The following LGR6 variants were observed in gnomAD, a reference collection of about 807,000 sequenced individuals.
The protein encoded by LGR6 is leucine-rich repeat-containing G protein-coupled receptor 6.
LGR6 carries 45 observed loss-of-function variants against 69.4 expected under a neutral mutation model. That is an observed-to-expected ratio of 0.65 (90% CI 0.51 to 0.83). The LOEUF (loss-of-function observed/expected upper bound fraction) is 0.83. Ranked by LOEUF, LGR6 falls within the 40% of genes least tolerant of loss-of-function variation. The probability of loss-of-function intolerance (pLI) is 0.00; values close to 1 mark genes in which losing one functional copy is unlikely to be tolerated. For missense variants in LGR6, 1,108 were observed against 1,246.7 expected (o/e 0.89, Z 1.68); for synonymous variants, 538 against 555.0 (o/e 0.97, Z 0.43).
intron 4 of LGR6, among the ~76,000 whole-genome samples, chr1:202,244,887 G>A (rs989877346): frequency 6.6e-6 from 1 of 152,208 alleles, no homozygotes; most frequent in Non-Finnish European, 1.5e-5. Flanking sequence ...CAGTAGTCAC[G>A]AGCCGGCTGT....
At chr1:202,239,344 G>GT (rs370248244) in intron 4 of LGR6, among the ~76,000 whole-genome samples, 1 of 144,248 alleles carries the variant, frequency 6.9e-6, no homozygotes, top group South Asian at 2.3e-4. Context: ...GTGTGTGTGT[G>GT]GTGTGTGTGT....
intron 3 of LGR6, among the ~76,000 whole-genome samples, chr1:202,234,582 T>C (rs551049988): frequency 6.6e-6 from 1 of 152,272 alleles, no homozygotes; most frequent in Admixed American, 6.5e-5. Flanking sequence ...TGGTTAAGTG[T>C]CTAGACTGTG....
chr1:202,253,826 G>T (rs1225232255), intron 4 of LGR6, among the ~76,000 whole-genome samples: 4 of 68,854 alleles, frequency 5.8e-5, no homozygotes, highest in South Asian at 1.2e-3. Flanking sequence ...TTTTTTTTGA[G>T]ACGGAGTCTC....
chr1:202,301,853 C>T lies in LGR6; in HGVS notation c.929+618C>T, dbSNP rs145149032. Among the ~76,000 whole-genome samples, 1,003 of 152,136 alleles carry T rather than the reference C, an allele frequency of 6.6e-3. 18 individuals carry two copies. Among genetic ancestry groups the T allele is most frequent in the African/African-American group, 0.023 (952 of 41,506 alleles). On this transcript the variant is annotated intron_variant, in intron 9 of 17. Transcript: ENST00000367278. Reference sequence around the variant, plus strand: ...CCAACATGGTAAAACCCCATCTCTACTAAAAATACAAAAAAAGTAGCCGGG... The same window carrying T: ...CCAACATGGTAAAACCCCATCTCTATTAAAAATACAAAAAAAGTAGCCGGG...
At chr1:202,215,396 G>A (rs1015079042) in intron 1 of LGR6, among the ~76,000 whole-genome samples, 1 of 152,150 alleles carries the variant, frequency 6.6e-6, no homozygotes, top group Admixed American at 6.5e-5. Context: ...TTTACCCATG[G>A]AGAGGTCTGA....
intron 1 of LGR6, among the ~76,000 whole-genome samples, chr1:202,220,277 G>T (rs1186484000): frequency 6.6e-6 from 1 of 151,920 alleles, no homozygotes; most frequent in Non-Finnish European, 1.5e-5. Flanking sequence ...GAGTGCAGTG[G>T]CATGATCTTG....
intron 6 of LGR6, among the ~76,000 whole-genome samples, chr1:202,283,313 G>A (rs1221479741): frequency 1.3e-5 from 2 of 152,202 alleles, no homozygotes; most frequent in South Asian, 2.1e-4. Context: ...GTTCCCCAGA[G>A]CATTTGCTGG....
intron 4 of LGR6, among the ~76,000 whole-genome samples, chr1:202,251,522 G>T (rs1663242722): frequency 6.6e-6 from 1 of 152,154 alleles, no homozygotes; most frequent in South Asian, 2.1e-4. Flanking sequence ...GAGGGAAGAA[G>T]AGGAAGCCTC....
chr1:202,302,649 C>T (rs904758460), intron 9 of LGR6, among the ~76,000 whole-genome samples: 2 of 152,120 alleles, frequency 1.3e-5, no homozygotes, highest in African/African-American at 4.8e-5. Context: ...TGGGTTCAAG[C>T]GATTCTCCTG....
intron 1 of LGR6, chr1:202,213,998 G>T: frequency 5.2e-6 from 5 of 967,080 alleles, no homozygotes; most frequent in Non-Finnish European, 6.1e-6. Flanking sequence ...TAGCTCTGAT[G>T]AACCAAATAG....
Position 202,318,608 on chromosome 1 carries a change from T to A in LGR6, c.2305T>A (p.Cys769Ser). ...PRGDFEAVWD[C>S]AMVRHVAWLI... ...GGGCGACTTTGAGGCCGTGTGGGAC[T>A]GCGCCATGGTGAGGCACGTGGCCTG... The change falls in exon 18 of 18, where the codon TGC becomes AGC. Residue 769 changes from cysteine to serine, a missense_variant. By Grantham distance (112) the Cys-to-Ser change is moderately radical (BLOSUM62 -1). Transcript: ENST00000367278. 2 of 1,614,028 alleles carry A rather than the reference T, an allele frequency of 1.2e-6. No homozygotes were observed. Among genetic ancestry groups the A allele is most frequent in the Non-Finnish European group, 1.7e-6 (2 of 1,180,026 alleles).
chr1:202,303,140 G>C, intron 9 of LGR6, 139 bp from the exon 10 acceptor site: 1 of 708,714 alleles, frequency 1.4e-6, no homozygotes, highest in Non-Finnish European at 2.6e-6. Flanking sequence ...CTGCGTGGCT[G>C]ACTTGAGGAA....
intron 4 of LGR6, among the ~76,000 whole-genome samples, chr1:202,258,830 A>C: frequency 6.6e-6 from 1 of 152,038 alleles, no homozygotes; most frequent in East Asian, 1.9e-4. Context: ...TTTCAGAACA[A>C]TGACTATTAG....
In LGR6 at chr1:202,193,952, G is replaced by A. The variant is rs1242975416; in HGVS notation, c.-38G>A. 2.2e-5 allele frequency: 28 copies of A among 1,258,918 alleles called. No individual in the cohort carries two copies. Among genetic ancestry groups the A allele is most frequent in the East Asian group, 3.5e-5 (1 of 28,500 alleles). 78.0% of individuals were successfully genotyped at this position (1,258,918 alleles called of 1,614,324 possible). A position where few individuals can be genotyped will look rare whatever the true frequency, so the allele number is the denominator to read the frequency against. ...TGCGGCCATCGCGCCGTGCGTCCGC[G>A]CCCGGCCGCCAGGTGCCCCAGTAGC... On this transcript the variant is annotated 5_prime_UTR_variant, in exon 1 of 18. Coordinates refer to ENST00000367278, the MANE Select transcript of LGR6 (RefSeq NM_001017403.2).
intron 4 of LGR6, among the ~76,000 whole-genome samples, chr1:202,241,800 G>A (rs1287262100): frequency 2.6e-5 from 4 of 152,062 alleles, no homozygotes; most frequent in Non-Finnish European, 5.9e-5. Context: ...GACTAAAGGG[G>A]AGAAAACAGC....
chr1:202,204,443 ACCT>A (rs1658975184), intron 1 of LGR6, among the ~76,000 whole-genome samples: 1 of 41,526 alleles, frequency 2.4e-5, no homozygotes. Flanking sequence ...ACACACACAC[ACCT>A]CCACACACAC....
intron 6 of LGR6, among the ~76,000 whole-genome samples, chr1:202,284,483 C>G (rs1666252599): frequency 1.3e-5 from 2 of 152,176 alleles, no homozygotes; most frequent in African/African-American, 4.8e-5. Flanking sequence ...GAAACCATAC[C>G]TCTTGCTTTG....
chr1:202,276,308 G>T lies in LGR6; in HGVS notation c.431G>T (p.Arg144Leu). The T allele has an allele frequency of 6.2e-7, 1 of 1,612,912 alleles. No individual in the cohort carries two copies. The highest frequency in any genetic ancestry group is 8.5e-7 in the Non-Finnish European group (1 of 1,179,146). ...CTCTCCATCCTCTCTTCCACCAGGC[G>T]CCTAGATGCCAACCTCATCTCCCTG... ...LWELPSLQSL[R>L]LDANLISLVP... Residue 144 changes from arginine (R) to leucine (L), a missense_variant and splice_region_variant, in exon 5 of 18, where the codon CGC (arginine) becomes CTC (leucine). Arg to Leu is a moderately radical substitution (Grantham distance 102). Transcript: ENST00000367278.
At chr1:202,242,098 A>G (rs1479960917) in intron 4 of LGR6, among the ~76,000 whole-genome samples, 1 of 152,152 alleles carries the variant, frequency 6.6e-6, no homozygotes, top group Non-Finnish European at 1.5e-5. Context: ...TGACGTGGGA[A>G]GGAGGAGTGG....
Sources: gnomAD v4.1 joint callset for allele counts (sites outside exome capture counted in the v4.1 genomes callset) on GRCh38, gnomAD v4.1.1 for gene constraint, MANE v1.5 for transcripts, NCBI Gene and HGNC (gene_info 2026-07-23, HGNC 2026-07-21) for gene names.